AIG1: variants seen among roughly 807,000 people sequenced by gnomAD.
AIG1 encodes androgen induced 1, also known as androgen-induced gene 1 protein.
AIG1 carries 23 observed loss-of-function variants against 31.4 expected under a neutral mutation model. The observed-to-expected ratio is 0.73, with a 90% CI of 0.53 to 1.04. AIG1 has a LOEUF of 1.04. Among genes scored for constraint, AIG1 ranks in the 50% least tolerant of loss-of-function variants. The pLI is 0.00. For synonymous variants in AIG1, 100 were observed against 110.5 expected, an observed-to-expected ratio of 0.90 and a Z score of 0.60; for missense variants, 274 against 295.0, an observed-to-expected ratio of 0.93 and a Z score of 0.52.
At chr6:143,332,473 CAAAGAGA>C (rs530713689) in intron 4 of AIG1, among the ~76,000 whole-genome samples, 4 of 152,074 alleles carry the variant, frequency 2.6e-5, no homozygotes, top group Admixed American at 2.6e-4. Flanking sequence ...TTCTGGAACA[CAAAGAGA>C]ATGATTAAGT....
intron 4 of AIG1, among the ~76,000 whole-genome samples, chr6:143,308,301 C>T (rs867767058): frequency 2.0e-5 from 3 of 152,368 alleles, no homozygotes; most frequent in African/African-American, 7.2e-5. Context: ...TTCTGCATCG[C>T]TCACGCTGGG....
At chr6:143,114,672 G>T (rs540874285) in intron 1 of AIG1, among the ~76,000 whole-genome samples, 1 of 152,330 alleles carries the variant, frequency 6.6e-6, no homozygotes, top group Admixed American at 6.5e-5. Flanking sequence ...TCAGCTTGCA[G>T]GTTCTGGATC....
intron 1 of AIG1, among the ~76,000 whole-genome samples, chr6:143,118,336 G>T (rs1399832522): frequency 6.6e-6 from 1 of 152,080 alleles, no homozygotes; most frequent in Non-Finnish European, 1.5e-5. Flanking sequence ...GCAGGTGCCT[G>T]TAGTCCCAGC....
rs150596631 is a variant in AIG1, at chr6:143,245,206, CA to C, written c.400-38903del. ...GTATAGTTGGCAAAACACTTTCTCT[CA>C]CATACATTATATCATTTGATGCTTA... On this transcript the variant is annotated intron_variant, in intron 3 of 5. Transcript: ENST00000357847. 9.5e-3 allele frequency among the ~76,000 whole-genome samples: 1,444 copies of C among 152,290 alleles called. 45 individuals are homozygous for C. Among genetic ancestry groups the C allele is most frequent in the East Asian group, 0.065 (339 of 5,186 alleles).
chr6:143,178,295 G>A (rs1006809096), intron 3 of AIG1, among the ~76,000 whole-genome samples: 6 of 152,142 alleles, frequency 3.9e-5, no homozygotes, highest in Non-Finnish European at 8.8e-5. Flanking sequence ...GAGATTTAGG[G>A]GTTTTTGGGC....
intron 2 of AIG1, among the ~76,000 whole-genome samples, chr6:143,141,211 T>C (rs1163111328): frequency 6.6e-6 from 1 of 152,224 alleles, no homozygotes; most frequent in Non-Finnish European, 1.5e-5. Flanking sequence ...CTTTTCCTGA[T>C]GCTCCCATTA....
chr6:143,101,624 G>A (rs1780288318), intron 1 of AIG1, among the ~76,000 whole-genome samples: 1 of 152,086 alleles, frequency 6.6e-6, no homozygotes, highest in South Asian at 2.1e-4. Context: ...CGTAGAAACT[G>A]CCTATTGTGT....
chr6:143,335,315 C>T (rs1393678848), intron 5 of AIG1: 5 of 342,016 alleles, frequency 1.5e-5, no homozygotes, highest in African/African-American at 4.2e-5. Flanking sequence ...AGGTGGATCA[C>T]GAGGTCAAGA....
chr6:143,065,948 T>G (rs146112437), intron 1 of AIG1, among the ~76,000 whole-genome samples: 1 of 152,216 alleles, frequency 6.6e-6, no homozygotes, highest in African/African-American at 2.4e-5. Context: ...TTGAGAGTCA[T>G]CCTCTCTTAG....
At chr6:143,342,274 G>C (rs1044064758), downstream of AIG1, 3 of 685,992 alleles carry the variant, frequency 4.4e-6, no homozygotes, top group Non-Finnish European at 8.0e-6. Flanking sequence ...GCGCAGAGAG[G>C]CTGGGGCTGC....
intron 2 of AIG1, among the ~76,000 whole-genome samples, chr6:143,158,005 G>T (rs1404253885): frequency 6.6e-6 from 1 of 152,172 alleles, no homozygotes; most frequent in Non-Finnish European, 1.5e-5. Context: ...AGGGAATGGA[G>T]CTAGGGCAGC....
intron 2 of AIG1, among the ~76,000 whole-genome samples, chr6:143,151,474 A>G (rs1459180335): frequency 1.3e-5 from 2 of 150,800 alleles, no homozygotes; most frequent in Admixed American, 1.3e-4. Context: ...CTAGTTTTTA[A>G]TGTATATAAT....
At chr6:143,235,386 T>A (rs113211671) in intron 3 of AIG1, among the ~76,000 whole-genome samples, 207 of 152,350 alleles carry the variant, frequency 1.4e-3, no homozygotes, top group African/African-American at 4.6e-3. Flanking sequence ...TATAGATACC[T>A]TTTCGCTTTG....
chr6:143,109,002 C>A (rs997239160), intron 1 of AIG1, among the ~76,000 whole-genome samples: 1 of 152,162 alleles, frequency 6.6e-6, no homozygotes, highest in African/African-American at 2.4e-5. Context: ...TTAAAGGTAA[C>A]CACCATTCTG....
intron 1 of AIG1, among the ~76,000 whole-genome samples, chr6:143,079,368 G>A (rs1778009126): frequency 6.6e-6 from 1 of 152,122 alleles, no homozygotes; most frequent in Non-Finnish European, 1.5e-5. Context: ...TCTGCACTCA[G>A]GTCAAATAAG....
chr6:143,217,339 C>T (rs1792109385), intron 3 of AIG1, among the ~76,000 whole-genome samples: 1 of 152,078 alleles, frequency 6.6e-6, no homozygotes, highest in African/African-American at 2.4e-5. Context: ...CCAAAGAGTA[C>T]AGTCATTAAA....
chr6:143,171,295 G>T (rs1193267140), intron 3 of AIG1, among the ~76,000 whole-genome samples: 1 of 149,926 alleles, frequency 6.7e-6, no homozygotes, highest in Admixed American at 6.7e-5. Context: ...AATGATGTTT[G>T]ATTTTCCATT....
chr6:143,321,067 A>G (rs59134343), intron 4 of AIG1, among the ~76,000 whole-genome samples: 8,617 of 151,232 alleles, frequency 0.057, 641 homozygotes, highest in African/African-American at 0.17. Context: ...TGATCCACCC[A>G]CCTTGGCCTC....
chr6:143,232,240 A>G (rs1054761068), intron 3 of AIG1, among the ~76,000 whole-genome samples: 1 of 152,192 alleles, frequency 6.6e-6, no homozygotes, highest in Non-Finnish European at 1.5e-5. Flanking sequence ...GCCCTTCTGA[A>G]TTAGCAGTGT....
Sources: allele counts gnomAD v4.1 joint callset (sites outside exome capture counted in the v4.1 genomes callset), GRCh38; gene constraint gnomAD v4.1.1; transcripts MANE v1.5; gene names NCBI Gene and HGNC (gene_info 2026-07-23, HGNC 2026-07-21).